The following MID1 variants were observed in gnomAD, a reference collection of about 807,000 sequenced individuals.
MID1 encodes the protein E3 ubiquitin-protein ligase Midline-1.
Under a neutral mutation model 40.4 loss-of-function variants are expected in MID1, and 7 were observed. The observed-to-expected ratio is 0.17, with a 90% CI of 0.10 to 0.33. The LOEUF (loss-of-function observed/expected upper bound fraction) is 0.33, where lower values mean the gene tolerates loss of function less well. Ranked by LOEUF, MID1 falls within the 10% of genes least tolerant of loss-of-function variation. The probability of loss-of-function intolerance (pLI) is 1.00; values close to 1 mark genes in which losing one functional copy is unlikely to be tolerated. For missense variants in MID1, 367 were observed against 558.5 expected, an observed-to-expected ratio of 0.66 and a Z score of 3.46; for synonymous variants, 229 against 221.2, an observed-to-expected ratio of 1.04 and a Z score of -0.31.
chrX:10,714,723 A>C (rs1032654519), intron 1 of MID1, among the ~76,000 whole-genome samples: 3 of 112,225 alleles, frequency 2.7e-5, no homozygotes, highest in African/African-American at 9.7e-5. Flanking sequence ...ACATAACGAA[A>C]AGAGAATGAA....
intron 2 of MID1, among the ~76,000 whole-genome samples, chrX:10,555,587 T>C (rs1488888584): frequency 9.0e-6 from 1 of 111,000 alleles, no homozygotes; most frequent in African/African-American, 3.3e-5. Flanking sequence ...TCATAGTAGC[T>C]ACATAAAATA....
intron 1 of MID1, among the ~76,000 whole-genome samples, chrX:10,774,996 G>T (rs1029293011): frequency 1.8e-5 from 2 of 110,113 alleles, no homozygotes; most frequent in African/African-American, 3.3e-5. Context: ...AGAATGCTTT[G>T]TTTTGTAATA....
At position 10,810,696 on chromosome X, in the gene MID1, C is replaced by CTGTGTGTGTGTG. The variant is rs370482398; in HGVS notation, c.-187+22846_-187+22857dup. Reference sequence around the variant, plus strand: ...TCCTCACCAACGCTTGTTGTTTTCTCTGTGTGTGTGTGTGTGTGTGTGTGT... The same window carrying CTGTGTGTGTGTG: ...TCCTCACCAACGCTTGTTGTTTTCTCTGTGTGTGTGTGTGTGTGTGTGTGTGTGTGTGTGTGT... On this transcript the variant is annotated intron_variant, in intron 1 of 10. Transcript: ENST00000380785. 6.4e-3 allele frequency among the ~76,000 whole-genome samples: 646 copies of CTGTGTGTGTGTG among 101,107 alleles called. 10 individuals carry two copies. The highest frequency in any genetic ancestry group is 0.022 in the African/African-American group (598 of 27,811). 87.8% of individuals were successfully genotyped at this position (101,107 alleles called of 115,157 possible).
chrX:10,480,870 C>CCTT (rs1930281906), intron 5 of MID1, among the ~76,000 whole-genome samples: 1 of 112,249 alleles, frequency 8.9e-6, no homozygotes, highest in Non-Finnish European at 1.9e-5. Context: ...ATACATTACT[C>CCTT]TTTAAGAAGA....
intron 3 of MID1, among the ~76,000 whole-genome samples, chrX:10,513,789 G>A (rs911648849): frequency 1.6e-4 from 18 of 112,408 alleles, no homozygotes; most frequent in African/African-American, 5.2e-4. Flanking sequence ...GATTACAGGC[G>A]TGAGCCACTG....
chrX:10,677,025 C>T (rs1025271256), intron 1 of MID1, among the ~76,000 whole-genome samples: 2 of 111,630 alleles, frequency 1.8e-5, no homozygotes, highest in African/African-American at 6.5e-5. Context: ...ATCAGCTAGA[C>T]GCTTCCCAAA....
At chrX:10,722,018 G>A (rs1233185064) in intron 1 of MID1, among the ~76,000 whole-genome samples, 1 of 111,255 alleles carries the variant, frequency 9.0e-6, no homozygotes, top group Non-Finnish European at 1.9e-5. Flanking sequence ...ATAGTTCTTT[G>A]GCCATCTCCT....
At position 10,459,682 on chromosome X, in the gene MID1, T is replaced by C. The variant is rs749981475; in HGVS notation, c.1411A>G (p.Ser471Gly). 4 of 1,211,828 alleles carry C rather than the reference T, an allele frequency of 3.3e-6. No individual in the cohort carries two copies. The South Asian group carries it at 5.3e-5, about 16-fold the overall frequency. ...AACTTCCCAGGCTCACTGCTGCGGC[T>C]GCCCGCCTGGTTGATGGCCTTGACC... ...FMVKAINQAG[S>G]RSSEPGKLKT... Residue 471 changes from serine to glycine, a missense_variant, in exon 8 of 10, where the codon AGC becomes GGC. Around this residue, in one of 3 missense-constraint regions of MID1, gnomAD observed 275 missense variants for 383.1 expected, o/e 0.72. Transcript: ENST00000317552.
At chrX:10,642,903 A>T (rs1169512850) in intron 1 of MID1, among the ~76,000 whole-genome samples, 1 of 111,583 alleles carries the variant, frequency 9.0e-6, no homozygotes, top group African/African-American at 3.3e-5. Flanking sequence ...GACAAAAACA[A>T]GAAATGGGGA....
rs780870781 is a variant in MID1, at chrX:10,808,912, C to A, written c.-187+24642G>T. Among the ~76,000 whole-genome samples, 7 of 111,716 alleles carry A rather than the reference C, an allele frequency of 6.3e-5. No individual in the cohort carries two copies. In the East Asian group the frequency reaches 8.5e-4, roughly 13 times the overall value. On this transcript the variant is annotated intron_variant, in intron 1 of 10. Coordinates refer to the MID1 transcript ENST00000380785. ...ACACCAAAAGCAATGGCAACAAAAG[C>A]CAAAATTGACAAATGGGATCTAATT...
At chrX:10,765,979 GA>G (rs2043724279) in intron 1 of MID1, among the ~76,000 whole-genome samples, 2 of 106,223 alleles carry the variant, frequency 1.9e-5, no homozygotes, top group South Asian at 4.3e-4. Flanking sequence ...AAGAAAGAAA[GA>G]AAGAAAGAAA....
intron 1 of MID1, among the ~76,000 whole-genome samples, chrX:10,780,194 G>C (rs1294405018): frequency 2.7e-5 from 3 of 111,187 alleles, no homozygotes; most frequent in African/African-American, 9.8e-5. Flanking sequence ...TCGATCTCCT[G>C]ACCTCAGGTG....
chrX:10,782,696 T>C (rs947253263), intron 1 of MID1, among the ~76,000 whole-genome samples: 7 of 112,628 alleles, frequency 6.2e-5, no homozygotes, highest in Non-Finnish European at 1.3e-4. Context: ...TCTAGTAATA[T>C]AGTTTTAAAA....
chrX:10,511,829 A>G (rs1932174819), intron 3 of MID1, among the ~76,000 whole-genome samples: 1 of 112,689 alleles, frequency 8.9e-6, no homozygotes, highest in African/African-American at 3.2e-5. Context: ...CTGACCACTA[A>G]ATTCACTTAC....
At position 10,449,060 on chromosome X, in the gene MID1, C is replaced by T. The variant is rs748142198; in HGVS notation, c.*308G>A. The T allele has an allele frequency of 4.1e-6, 1 of 246,495 alleles. No homozygotes were observed. Among genetic ancestry groups the T allele is most frequent in the African/African-American group, 2.8e-5 (1 of 35,879 alleles). The allele number at this position is 246,495 out of a possible 1,213,427, so 20.3% of individuals were successfully genotyped here. A position where few individuals can be genotyped will look rare whatever the true frequency, so the allele number is the denominator to read the frequency against. On this transcript the variant is annotated 3_prime_UTR_variant, in exon 10 of 10. Transcript: ENST00000317552. ...ATGAAGGTTGTAAATAGCTGATAAA[C>T]TTATGGGCCTCTTAATGTGCAAAAC... is the stretch of plus-strand genomic sequence containing the variant.
intron 1 of MID1, among the ~76,000 whole-genome samples, chrX:10,817,596 C>G (rs2044147863): frequency 1.2e-5 from 1 of 86,600 alleles, no homozygotes; most frequent in Non-Finnish European, 2.3e-5. Context: ...TTCTCTCTCT[C>G]TTTCTTTTCT....
rs1372642808 is a variant in MID1 at position 10,446,880 on chromosome X, C to T, written c.*2488G>A. 9.0e-6 allele frequency: 1 copy of T among 111,375 alleles called. No individual in the cohort carries two copies. Among genetic ancestry groups the T allele is most frequent in the East Asian group, 2.8e-4 (1 of 3,588 alleles). 9.2% of individuals were successfully genotyped at this position (111,375 alleles called of 1,213,427 possible). On this transcript the variant is annotated 3_prime_UTR_variant, in exon 10 of 10. Coordinates refer to ENST00000317552, the MANE Select transcript of MID1 (RefSeq NM_000381.4). ...TAATTGGCACTGCCATCTCTTTTGC[C>T]CCTGTATCGCAGTGTTTCCTGTGGT...
intron 1 of MID1, among the ~76,000 whole-genome samples, chrX:10,811,771 T>C (rs1332071260): frequency 8.9e-6 from 1 of 111,818 alleles, no homozygotes; most frequent in Non-Finnish European, 1.9e-5. Flanking sequence ...AAGATCAGAC[T>C]AGGACTGATC....
chrX:10,508,365 T>C (rs1344057535), intron 3 of MID1, among the ~76,000 whole-genome samples: 2 of 112,793 alleles, frequency 1.8e-5, no homozygotes, highest in African/African-American at 6.4e-5. Flanking sequence ...ATTGATTACA[T>C]GTTGACATGA....
Sources: gnomAD v4.1 joint callset for allele counts (sites outside exome capture counted in the v4.1 genomes callset) on GRCh38, gnomAD v4.1.1 for gene constraint, gnomAD v4.1.1 regional missense constraint, MANE v1.5 for transcripts, NCBI Gene and HGNC (gene_info 2026-07-23, HGNC 2026-07-21) for gene names.